RNF180: variants seen among roughly 807,000 people sequenced by gnomAD.
The protein encoded by RNF180 is E3 ubiquitin-protein ligase RNF180.
In RNF180, 38 loss-of-function variants were observed where a neutral mutation model predicts 59.2. The ratio of observed to expected loss-of-function variants is 0.64; its 90% CI spans 0.50 to 0.84. RNF180 has a LOEUF of 0.84. Ranked by LOEUF, RNF180 falls within the 40% of genes least tolerant of loss-of-function variation. The pLI is 0.00. For synonymous variants in RNF180, 262 were observed against 240.3 expected, an observed-to-expected ratio of 1.09 and a Z score of -0.84; for missense variants, 705 against 700.9, an observed-to-expected ratio of 1.01 and a Z score of -0.07.
intron 5 of RNF180, among the ~76,000 whole-genome samples, chr5:64,269,804 G>A (rs779094108): frequency 3.3e-5 from 5 of 152,050 alleles, no homozygotes; most frequent in Non-Finnish European, 5.9e-5. Context: ...TTGAAACAAT[G>A]TATTTTGGCA....
chr5:64,216,267 T>G (rs974558162), intron 4 of RNF180, among the ~76,000 whole-genome samples: 1 of 152,172 alleles, frequency 6.6e-6, no homozygotes, highest in African/African-American at 2.4e-5. Flanking sequence ...TAATTACAAT[T>G]TTTAAGTCTG....
chr5:64,254,473 T>C (rs1743803516), intron 5 of RNF180, among the ~76,000 whole-genome samples: 1 of 152,204 alleles, frequency 6.6e-6, no homozygotes, highest in South Asian at 2.1e-4. Context: ...AGGAAATCTC[T>C]GGCATTTTGC....
chr5:64,206,864 T>C (rs2112085537), intron 2 of RNF180, among the ~76,000 whole-genome samples: 1 of 152,286 alleles, frequency 6.6e-6, no homozygotes, highest in Middle Eastern at 3.4e-3. Flanking sequence ...CAGAACATGC[T>C]GGCACCCTGA....
At chr5:64,255,981 G>C (rs1219550492) in intron 5 of RNF180, among the ~76,000 whole-genome samples, 2 of 152,074 alleles carry the variant, frequency 1.3e-5, no homozygotes, top group African/African-American at 2.4e-5. Flanking sequence ...TGTGTCTTTT[G>C]GCTGCATAAA....
At chr5:64,269,028 C>G (rs999142675) in intron 5 of RNF180, among the ~76,000 whole-genome samples, 2 of 152,090 alleles carry the variant, frequency 1.3e-5, no homozygotes, top group African/African-American at 4.8e-5. Context: ...ATGTCCATAC[C>G]CTTGCTCATA....
chr5:64,364,290 A>T (rs1419402819), intron 7 of RNF180, among the ~76,000 whole-genome samples: 2 of 151,638 alleles, frequency 1.3e-5, no homozygotes, highest in Non-Finnish European at 3.0e-5. Context: ...ACATGAAACA[A>T]TGTTGAATTT....
At chr5:64,165,697 G>A (rs973590883), upstream of RNF180, 14 of 152,158 alleles carry the variant, frequency 9.2e-5, no homozygotes, top group African/African-American at 3.4e-4. Flanking sequence ...CGGCTCGGGT[G>A]GGAACCCGCA....
chr5:64,202,802 A>G (rs1751820075), intron 2 of RNF180, among the ~76,000 whole-genome samples: 1 of 152,228 alleles, frequency 6.6e-6, no homozygotes, highest in Non-Finnish European at 1.5e-5. Context: ...CATTCCTTAC[A>G]GTAACTCTTT....
chr5:64,181,446 G>A (rs1001432177), intron 1 of RNF180, among the ~76,000 whole-genome samples: 11 of 152,172 alleles, frequency 7.2e-5, no homozygotes, highest in Admixed American at 1.3e-4. Flanking sequence ...GGTAGCAATG[G>A]CAATTACAGT....
Position 64,217,607 on chromosome 5 carries a change from A to G in RNF180, c.1227+211A>G, listed in dbSNP as rs539579190. On this transcript the variant is annotated intron_variant, in intron 5 of 7. Coordinates refer to ENST00000389100, the MANE Select transcript of RNF180 (RefSeq NM_001113561.2). ...AATTTGCTTTTCCTTAAGGATGCTG[A>G]ACATATGTGCTTATTTTACATTTGT... 76 of 673,388 alleles carry G rather than the reference A, an allele frequency of 1.1e-4. No individual in the cohort carries two copies. The African/African-American group carries it at 1.3e-3, about 12-fold the overall frequency. The allele number at this position is 673,388 out of a possible 1,614,324, so 41.7% of individuals were successfully genotyped here. A position where few individuals can be genotyped will look rare whatever the true frequency, so the allele number is the denominator to read the frequency against.
At chr5:64,349,699 G>A (rs1440259230) in intron 7 of RNF180, among the ~76,000 whole-genome samples, 1 of 151,364 alleles carries the variant, frequency 6.6e-6, no homozygotes, top group Admixed American at 6.6e-5. Context: ...TTGGTTTTTT[G>A]TCCTTGTGAT....
At chr5:64,321,919 C>A (rs1744372366) in intron 5 of RNF180, among the ~76,000 whole-genome samples, 3 of 152,198 alleles carry the variant, frequency 2.0e-5, no homozygotes, top group African/African-American at 2.4e-5. Flanking sequence ...AAAGGATTCC[C>A]TGTTTAATAA....
chr5:64,249,874 G>T (rs1743451647), intron 5 of RNF180, among the ~76,000 whole-genome samples: 1 of 151,948 alleles, frequency 6.6e-6, no homozygotes, highest in Admixed American at 6.6e-5. Flanking sequence ...TACAATAATA[G>T]TATGGAACTT....
At chr5:64,253,534 T>G (rs1216107120) in intron 5 of RNF180, among the ~76,000 whole-genome samples, 1 of 152,168 alleles carries the variant, frequency 6.6e-6, no homozygotes, top group East Asian at 1.9e-4. Flanking sequence ...TACCAAAATA[T>G]CACTGAGATT....
At chr5:64,276,779 AATT>A (rs1407072739) in intron 5 of RNF180, among the ~76,000 whole-genome samples, 1 of 152,080 alleles carries the variant, frequency 6.6e-6, no homozygotes, top group Non-Finnish European at 1.5e-5. Flanking sequence ...AAAAAATCAG[AATT>A]ATTCTTTATA....
intron 1 of RNF180, among the ~76,000 whole-genome samples, chr5:64,174,515 T>C (rs543240654): frequency 6.6e-6 from 1 of 152,268 alleles, no homozygotes; most frequent in Admixed American, 6.5e-5. Context: ...TGGGGTGAGA[T>C]TATGTCTCAT....
chr5:64,325,140 C>A, intron 5 of RNF180, 46 bp from the exon 6 acceptor site: 1 of 1,242,034 alleles, frequency 8.1e-7, no homozygotes, highest in Non-Finnish European at 1.1e-6. Context: ...CTTAAGGAAA[C>A]CAATCTCATA....
At chr5:64,254,017 T>TG (rs1743766863) in intron 5 of RNF180, among the ~76,000 whole-genome samples, 1 of 152,170 alleles carries the variant, frequency 6.6e-6, no homozygotes, top group African/African-American at 2.4e-5. Flanking sequence ...TAACTTCACA[T>TG]ATATGTAATG....
Position 64,350,981 on chromosome 5 carries a change from T to A in RNF180, c.1580-18634T>A, listed in dbSNP as rs1315322945. ...GTAGCTTGATGGGGATGGCATTGAATCTATAAATTACCTTGGGCAGTATGG... is the reference window on the plus strand; with the variant it reads ...GTAGCTTGATGGGGATGGCATTGAAACTATAAATTACCTTGGGCAGTATGG... On this transcript the variant is annotated intron_variant, in intron 7 of 7. Coordinates refer to ENST00000389100, the MANE Select transcript of RNF180 (RefSeq NM_001113561.2). 3.9e-5 allele frequency among the ~76,000 whole-genome samples: 6 copies of A among 152,178 alleles called. No homozygotes were observed. In the South Asian group the frequency reaches 6.2e-4, roughly 16 times the overall value.
Sources: allele counts gnomAD v4.1 joint callset (sites outside exome capture counted in the v4.1 genomes callset), GRCh38; gene constraint gnomAD v4.1.1; transcripts MANE v1.5; gene names NCBI Gene and HGNC (gene_info 2026-07-23, HGNC 2026-07-21).